EFNA5: variants seen among roughly 807,000 people sequenced by gnomAD.
The protein encoded by EFNA5 is ephrin-A5.
Under a neutral mutation model 22.9 loss-of-function variants are expected in EFNA5, and 5 were observed. The ratio of observed to expected loss-of-function variants is 0.22; its 90% CI spans 0.11 to 0.46. The LOEUF (loss-of-function observed/expected upper bound fraction) is 0.46. Ranked by LOEUF, EFNA5 falls within the 20% of genes least tolerant of loss-of-function variation. The pLI, the probability that EFNA5 is intolerant of heterozygous loss-of-function variation, is 0.99. For missense variants in EFNA5, 237 were observed against 293.3 expected (o/e 0.81, Z 1.40); for synonymous variants, 113 against 112.2 (o/e 1.01, Z -0.04).
At chr5:107,381,856 G>A (rs1431529933) in intron 4 of EFNA5, among the ~76,000 whole-genome samples, 2 of 152,130 alleles carry the variant, frequency 1.3e-5, no homozygotes, top group Non-Finnish European at 2.9e-5. Flanking sequence ...TGAATGCCTG[G>A]TTGTTGGATG....
intron 2 of EFNA5, among the ~76,000 whole-genome samples, chr5:107,391,853 CTG>C (rs1747801712): frequency 6.6e-6 from 1 of 152,200 alleles, no homozygotes. Context: ...CTCTGGTTCT[CTG>C]TGTTTCGAGT....
intron 2 of EFNA5, 144 bp from the exon 3 acceptor site, chr5:107,387,915 A>C (rs1422574573): frequency 1.0e-5 from 6 of 599,824 alleles, no homozygotes; most frequent in African/African-American, 1.8e-5. Flanking sequence ...TCCAAATTAA[A>C]ACAAACAGTA....
chr5:107,464,453 T>G (rs184969732), intron 1 of EFNA5, among the ~76,000 whole-genome samples: 1 of 152,268 alleles, frequency 6.6e-6, no homozygotes, highest in East Asian at 1.9e-4. Context: ...AATCGATTGT[T>G]GTGTACATCC....
At chr5:107,450,302 T>C (rs751813923) in intron 1 of EFNA5, among the ~76,000 whole-genome samples, 8 of 152,210 alleles carry the variant, frequency 5.3e-5, no homozygotes, top group Admixed American at 1.3e-4. Flanking sequence ...CTCCTCTAGA[T>C]GACAGCAAAA....
intron 1 of EFNA5, among the ~76,000 whole-genome samples, chr5:107,588,710 G>A (rs1378012611): frequency 2.6e-5 from 4 of 152,200 alleles, no homozygotes; most frequent in Non-Finnish European, 4.4e-5. Flanking sequence ...GCAACTGTTA[G>A]TGCCCAGGAG....
At chr5:107,421,480 T>C (rs938901623) in intron 2 of EFNA5, among the ~76,000 whole-genome samples, 1 of 152,224 alleles carries the variant, frequency 6.6e-6, no homozygotes, top group African/African-American at 2.4e-5. Context: ...GGAGAATTTC[T>C]TAGAAAATGC....
intron 2 of EFNA5, 120 bp downstream of exon 2, chr5:107,427,097 T>C: frequency 9.2e-7 from 1 of 1,083,016 alleles, no homozygotes; most frequent in Non-Finnish European, 1.4e-6. Context: ...GATGTACGCA[T>C]TTACAAGGAG....
intron 1 of EFNA5, among the ~76,000 whole-genome samples, chr5:107,477,020 C>T (rs1750331394): frequency 6.6e-6 from 1 of 152,122 alleles, no homozygotes. Context: ...GCATTTGTAT[C>T]ACTATGTGCT....
chr5:107,399,425 G>A (rs1748029179), intron 2 of EFNA5, among the ~76,000 whole-genome samples: 1 of 151,582 alleles, frequency 6.6e-6, no homozygotes, highest in South Asian at 2.1e-4. Flanking sequence ...GAGAGAGAGA[G>A]AGAGAAAGGA....
At chr5:107,529,350 C>A (rs1214766612) in intron 1 of EFNA5, among the ~76,000 whole-genome samples, 1 of 152,076 alleles carries the variant, frequency 6.6e-6, no homozygotes, top group Non-Finnish European at 1.5e-5. Context: ...GTACTAGATT[C>A]AATTTATGCA....
At chr5:107,557,626 T>C (rs1748452803) in intron 1 of EFNA5, among the ~76,000 whole-genome samples, 1 of 152,220 alleles carries the variant, frequency 6.6e-6, no homozygotes, top group Admixed American at 6.5e-5. Flanking sequence ...GGCTCTTATC[T>C]GTGTGTGTAC....
chr5:107,400,805 G>A (rs1228256248), intron 2 of EFNA5, among the ~76,000 whole-genome samples: 2 of 152,166 alleles, frequency 1.3e-5, no homozygotes, highest in East Asian at 1.9e-4. Flanking sequence ...TTCACTCTCT[G>A]TGAATATTAC....
chr5:107,651,750 G>C (rs757672805), intron 1 of EFNA5, among the ~76,000 whole-genome samples: 12 of 150,702 alleles, frequency 8.0e-5, no homozygotes, highest in Admixed American at 3.3e-4. Context: ...AGCACCCTAA[G>C]TTTCATCTGG....
intron 1 of EFNA5, among the ~76,000 whole-genome samples, chr5:107,603,609 C>T (rs1219532929): frequency 6.6e-6 from 1 of 152,200 alleles, no homozygotes; most frequent in Non-Finnish European, 1.5e-5. Flanking sequence ...ACATAAAAAA[C>T]ATTAAATCAC....
At chr5:107,463,082 G>C (rs1749876094) in intron 1 of EFNA5, among the ~76,000 whole-genome samples, 1 of 152,076 alleles carries the variant, frequency 6.6e-6, no homozygotes, top group Admixed American at 6.6e-5. Context: ...ATTAGATAGA[G>C]AGGCAAGGGC....
intron 1 of EFNA5, among the ~76,000 whole-genome samples, chr5:107,653,594 C>G (rs1750775029): frequency 6.6e-6 from 1 of 152,076 alleles, no homozygotes; most frequent in Non-Finnish European, 1.5e-5. Context: ...AGGGGGAGTC[C>G]CCAGAGGTTT....
intron 2 of EFNA5, among the ~76,000 whole-genome samples, chr5:107,391,153 G>GT (rs200672955): frequency 0.01 from 1,562 of 152,222 alleles, 32 homozygotes; most frequent in African/African-American, 0.036. Flanking sequence ...GCTAGACTCT[G>GT]TATCAAAAAT....
chr5:107,466,748 G>T (rs1257862086), intron 1 of EFNA5, among the ~76,000 whole-genome samples: 1 of 152,170 alleles, frequency 6.6e-6, no homozygotes, highest in African/African-American at 2.4e-5. Context: ...AGTCTGGTAG[G>T]TGAGATGCAC....
At chr5:107,401,312 T>C (rs908227613) in intron 2 of EFNA5, among the ~76,000 whole-genome samples, 5 of 152,210 alleles carry the variant, frequency 3.3e-5, no homozygotes, top group African/African-American at 1.2e-4. Context: ...TTGCCGCTGC[T>C]TAGTGGAAGA....
Sources: gnomAD v4.1 joint callset for allele counts (sites outside exome capture counted in the v4.1 genomes callset) on GRCh38, gnomAD v4.1.1 for gene constraint, MANE v1.5 for transcripts, NCBI Gene and HGNC (gene_info 2026-07-23, HGNC 2026-07-21) for gene names.